Variants in SYT2 observed in about 807,000 individuals in gnomAD.
The protein encoded by SYT2 is synaptotagmin 2, also known as synaptotagmin-2.
In SYT2, 15 loss-of-function variants were observed where a neutral mutation model predicts 39.9. That is an observed-to-expected ratio of 0.38 (90% CI 0.25 to 0.58). The LOEUF is 0.58. SYT2 is among the 20% of genes least tolerant of loss of function. The pLI, the probability that SYT2 is intolerant of heterozygous loss-of-function variation, is 0.70. For missense variants in SYT2, 389 were observed against 530.3 expected, an observed-to-expected ratio of 0.73 and a Z score of 2.62; for synonymous variants, 181 against 204.5, an observed-to-expected ratio of 0.89 and a Z score of 0.98.
At chr1:202,639,540 C>A in intron 1 of SYT2, 3 of 985,482 alleles carry the variant, frequency 3.0e-6, no homozygotes, top group Non-Finnish European at 3.6e-6. Context: ...TAACACATCT[C>A]TGTGGAAGGC....
chr1:202,653,001 C>T (rs972645066), intron 1 of SYT2, among the ~76,000 whole-genome samples: 2 of 142,100 alleles, frequency 1.4e-5, no homozygotes, highest in African/African-American at 2.6e-5. Context: ...CCTAGCCTTG[C>T]CTGCAAGTCC....
chr1:202,666,622 C>G (rs1001413277), intron 1 of SYT2, among the ~76,000 whole-genome samples: 1 of 152,180 alleles, frequency 6.6e-6, no homozygotes, highest in Non-Finnish European at 1.5e-5. Context: ...CTCTCTGGGA[C>G]CAATGTGCTT....
intron 1 of SYT2, among the ~76,000 whole-genome samples, chr1:202,615,757 G>A (rs1456015273): frequency 6.6e-6 from 1 of 152,118 alleles, no homozygotes; most frequent in Middle Eastern, 3.2e-3. Context: ...CCATCCCACA[G>A]TCTTGGCACT....
intron 1 of SYT2, among the ~76,000 whole-genome samples, chr1:202,620,965 T>C (rs1289973623): frequency 6.6e-6 from 1 of 152,112 alleles, no homozygotes; most frequent in Non-Finnish European, 1.5e-5. Flanking sequence ...AGGGAGATAG[T>C]GGAAGAATCG....
intron 1 of SYT2, among the ~76,000 whole-genome samples, chr1:202,644,688 C>T (rs1039813000): frequency 6.6e-6 from 1 of 151,990 alleles, no homozygotes; most frequent in African/African-American, 2.4e-5. Context: ...CATTCCTCAT[C>T]CCCCAACCCA....
intron 1 of SYT2, among the ~76,000 whole-genome samples, chr1:202,689,304 C>T (rs868108958): frequency 5.9e-5 from 9 of 152,192 alleles, no homozygotes; most frequent in South Asian, 4.1e-4. Context: ...CGTGTGCACA[C>T]GTGTGCATAC....
chr1:202,609,691 T>A (rs573222558), intron 1 of SYT2, among the ~76,000 whole-genome samples: 1 of 152,266 alleles, frequency 6.6e-6, no homozygotes, highest in Non-Finnish European at 1.5e-5. Context: ...CTGTCTTCTT[T>A]CGAGAAGTGT....
chr1:202,688,378 C>A (rs779268946), intron 1 of SYT2, among the ~76,000 whole-genome samples: 1 of 152,198 alleles, frequency 6.6e-6, no homozygotes. Context: ...CCCCCGTGGG[C>A]GGCACAGTCG....
chr1:202,605,624 T>G lies in SYT2; in HGVS notation c.149A>C (p.Lys50Thr). ...QEDMFAKLKE[K>T]LFNEINKIPL... is the part of the protein sequence containing the mutation. The stretch of plus-strand genomic sequence containing the variant: ...AATCTTGTTTATCTCATTGAATAAC[T>G]TCTCCTTCAGTTTGGCAAACATGTC... Residue 50 changes from lysine to threonine, a missense_variant, in exon 2 of 9, where the codon AAG becomes ACG. Lys to Thr is a moderately conservative substitution (Grantham distance 78). Coordinates refer to ENST00000367268, the MANE Select transcript of SYT2 (RefSeq NM_177402.5). 1 of 1,613,922 alleles carries G rather than the reference T, an allele frequency of 6.2e-7. No homozygotes were observed. Among genetic ancestry groups the G allele is most frequent in the Non-Finnish European group, 8.5e-7 (1 of 1,179,840 alleles).
intron 1 of SYT2, among the ~76,000 whole-genome samples, chr1:202,670,289 G>A (rs796800354): frequency 6.6e-6 from 1 of 152,326 alleles, no homozygotes; most frequent in Middle Eastern, 3.4e-3. Context: ...CTGAAGCTGA[G>A]GAACCTAGGC....
intron 1 of SYT2, chr1:202,627,395 A>G (rs1371620547): frequency 2.1e-6 from 2 of 972,074 alleles, no homozygotes; most frequent in Non-Finnish European, 2.4e-6. Flanking sequence ...AACTCTGGCA[A>G]CCTCCGTCCC....
At chr1:202,667,588 T>C (rs1055188915) in intron 1 of SYT2, among the ~76,000 whole-genome samples, 5 of 151,930 alleles carry the variant, frequency 3.3e-5, no homozygotes, top group Non-Finnish European at 5.9e-5. Flanking sequence ...ATAAACCACA[T>C]TGGTATGTGT....
chr1:202,640,692 C>G (rs1245422708), intron 1 of SYT2, among the ~76,000 whole-genome samples: 2 of 150,974 alleles, frequency 1.3e-5, no homozygotes, highest in Admixed American at 1.3e-4. Flanking sequence ...GGCAGTCTCT[C>G]TGTTTCCCAT....
intron 1 of SYT2, among the ~76,000 whole-genome samples, chr1:202,644,225 G>C (rs1176827578): frequency 6.6e-6 from 1 of 152,094 alleles, no homozygotes; most frequent in African/African-American, 2.4e-5. Flanking sequence ...GTACGGGTGT[G>C]GGGGAGAGGA....
intron 1 of SYT2, among the ~76,000 whole-genome samples, chr1:202,624,355 TGTGGGTA>T (rs1219679812): frequency 1.3e-5 from 2 of 150,808 alleles, no homozygotes; most frequent in African/African-American, 4.9e-5. Context: ...TCAGGGGGTA[TGTGGGTA>T]GTGGGTAGTG....
At chr1:202,701,931 T>C (rs1260412861) in intron 1 of SYT2, among the ~76,000 whole-genome samples, 2 of 152,154 alleles carry the variant, frequency 1.3e-5, no homozygotes, top group Non-Finnish European at 2.9e-5. Flanking sequence ...GAAGTGGCAG[T>C]CTTGGTTTGA....
At chr1:202,704,419 G>A (rs1215729506) in intron 1 of SYT2, among the ~76,000 whole-genome samples, 2 of 152,190 alleles carry the variant, frequency 1.3e-5, no homozygotes, top group African/African-American at 2.4e-5. Flanking sequence ...GGAGTGGAAC[G>A]TGGAGGAAAA....
intron 1 of SYT2, among the ~76,000 whole-genome samples, chr1:202,631,765 T>C (rs904900394): frequency 5.9e-5 from 9 of 152,158 alleles, no homozygotes; most frequent in African/African-American, 2.2e-4. Flanking sequence ...CAGGAGGTAA[T>C]GAGGGCTCCA....
rs1051885239 is a variant in SYT2, at chr1:202,628,650, T to A, written c.-17-22861A>T. ...CGGGGGCCGGGACAGACATGGGAGATAGGGGCCAGGAGGGATGAACCATGG... is the reference window on the plus strand; with the variant it reads ...CGGGGGCCGGGACAGACATGGGAGAAAGGGGCCAGGAGGGATGAACCATGG... On this transcript the variant is annotated intron_variant, in intron 1 of 8. Transcript: ENST00000367268. The surrounding 1 kb of genome is among the most constrained non-coding windows in gnomAD (Gnocchi z 4.2). 1.3e-4 allele frequency among the ~76,000 whole-genome samples: 20 copies of A among 152,072 alleles called. No homozygotes were observed. The highest frequency in any genetic ancestry group is 2.5e-4 in the Non-Finnish European group (17 of 67,976).
Sources: allele counts gnomAD v4.1 joint callset (sites outside exome capture counted in the v4.1 genomes callset), GRCh38; gene constraint gnomAD v4.1.1; non-coding constraint Gnocchi (gnomAD v3.1); transcripts MANE v1.5; gene names NCBI Gene and HGNC (gene_info 2026-07-23, HGNC 2026-07-21).